Variants in POSTN observed in about 807,000 individuals in gnomAD.
POSTN encodes the protein osteoblast specific factor 2 (fasciclin I-like).
POSTN carries 71 observed loss-of-function variants against 104.5 expected under a neutral mutation model. The ratio of observed to expected loss-of-function variants is 0.68; its 90% CI spans 0.56 to 0.83. The LOEUF is 0.83. Among genes scored for constraint, POSTN ranks in the 40% least tolerant of loss-of-function variants. The pLI is 0.00. For synonymous variants in POSTN, 355 were observed against 340.7 expected (o/e 1.04, Z -0.46); for missense variants, 949 against 1,006.8 (o/e 0.94, Z 0.78).
intron 21 of POSTN, among the ~76,000 whole-genome samples, chr13:37,567,102 G>A (rs2138148981): frequency 6.8e-6 from 1 of 146,168 alleles, no homozygotes; most frequent in East Asian, 2.0e-4. Flanking sequence ...CGGGCGTAGT[G>A]GCGGGCGCCT....
chr13:37,567,541 C>G (rs1024265479), intron 21 of POSTN, among the ~76,000 whole-genome samples: 1 of 151,994 alleles, frequency 6.6e-6, no homozygotes, highest in African/African-American at 2.4e-5. Context: ...GTAATTCTAC[C>G]GCATATAGTG....
chr13:37,581,165 G>T (rs941664512), intron 10 of POSTN, among the ~76,000 whole-genome samples: 2 of 151,984 alleles, frequency 1.3e-5, no homozygotes, highest in African/African-American at 4.8e-5. Flanking sequence ...CTTTTTGAAC[G>T]AACGTGATAT....
Position 37,598,667 on chromosome 13 carries a change from G to A in POSTN, c.60C>T (p.Asn20=), listed in dbSNP as rs138966400. 5.1e-5 allele frequency: 82 copies of A among 1,613,372 alleles called. No homozygotes were observed. Among genetic ancestry groups the A allele is most frequent in the African/African-American group, 8.0e-5 (6 of 74,868 alleles). Residue 20 remains asparagine (N), a synonymous_variant, in exon 1 of 23, where the codon AAC becomes AAT. Coordinates refer to ENST00000379747, the MANE Select transcript of POSTN (RefSeq NM_006475.3). ...LLLLLIVNPI[N]ANNHYDKILA... is the part of the protein sequence containing the mutation. Reference sequence around the variant, plus strand: ...AGATCTTGTCATAATGATTGTTGGCGTTTATAGGGTTAACAATAAGCAGCA... The same window carrying A: ...AGATCTTGTCATAATGATTGTTGGCATTTATAGGGTTAACAATAAGCAGCA...
In POSTN at chr13:37,571,376, G is replaced by T. The variant is rs1181497419; in HGVS notation, c.2172C>A (p.Ile724=). 1.2e-6 allele frequency: 2 copies of T among 1,600,834 alleles called. No individual in the cohort carries two copies. The highest frequency in any genetic ancestry group is 4.5e-5 in the East Asian group (2 of 44,610). The change falls in exon 18 of 23, where the codon ATC becomes ATA. Residue 724 remains isoleucine (I), a synonymous_variant. Transcript: ENST00000379747. ...IKEGETITEV[I]HGEPIIKKYT... ...GTAACATAAGGAACGCACCTCCATG[G>T]ATCACTTCAGTTATTGTTTCACCTT...
Position 37,596,519 on chromosome 13 carries a change from C to G in POSTN, c.218+665G>C, listed in dbSNP as rs548073285. ...ATAAATAATGCTTTCAAATTTTAAG[C>G]TAATCAGTGAAACATATGTTAAAAC... On this transcript the variant is annotated intron_variant, in intron 2 of 22. Coordinates refer to ENST00000379747, the MANE Select transcript of POSTN (RefSeq NM_006475.3). Among the ~76,000 whole-genome samples, 3 of 152,268 alleles carry G rather than the reference C, an allele frequency of 2.0e-5. No homozygotes were observed. In the South Asian group the frequency reaches 6.2e-4, roughly 32 times the overall value.
intron 9 of POSTN, 103 bp downstream of exon 9, chr13:37,583,866 T>G: frequency 7.1e-7 from 1 of 1,400,752 alleles, no homozygotes; most frequent in Non-Finnish European, 9.6e-7. Flanking sequence ...CAGAAACTAA[T>G]CAACACCTCC....
chr13:37,575,469 T>C (rs914470692), intron 16 of POSTN, among the ~76,000 whole-genome samples: 1 of 147,016 alleles, frequency 6.8e-6, no homozygotes, highest in African/African-American at 2.6e-5. Flanking sequence ...ATAATAAAAG[T>C]AAATTAAAAT....
At chr13:37,596,166 C>T (rs1020308986) in intron 2 of POSTN, among the ~76,000 whole-genome samples, 1 of 152,044 alleles carries the variant, frequency 6.6e-6, no homozygotes, top group Admixed American at 6.6e-5. Flanking sequence ...TTATTCCACC[C>T]GAACTTAGGG....
Position 37,588,046 on chromosome 13 carries a change from C to T in POSTN, c.442-60G>A, listed in dbSNP as rs1391281257. On this transcript the variant is annotated intron_variant, in intron 4 of 22. Transcript: ENST00000379747. ...TTGTGGAACATTAGTAAAAGTCTTA[C>T]GATCACCCTATTTCTACTCTCTTGC... The T allele has an allele frequency of 2.9e-5, 39 of 1,332,900 alleles. No homozygotes were observed. In the South Asian group the frequency reaches 3.5e-4, roughly 12 times the overall value. The allele number at this position is 1,332,900 out of a possible 1,614,324, so 82.6% of individuals were successfully genotyped here. A position where few individuals can be genotyped will look rare whatever the true frequency, so the allele number is the denominator to read the frequency against.
At position 37,584,018 on chromosome 13, in the gene POSTN, C is replaced by A; in HGVS notation, c.1194G>T (p.Arg398Ser). Residue 398 changes from arginine to serine, a missense_variant, in exon 9 of 23, where the codon AGG (arginine) becomes AGT (serine). Transcript: ENST00000379747. ...CCAGCAAAGTGTATTCTCCATCTGGCCTCAGAGCAGATGCCAAGCCTAATT... is the reference window on the plus strand; with the variant it reads ...CCAGCAAAGTGTATTCTCCATCTGGACTCAGAGCAGATGCCAAGCCTAATT... The part of the protein sequence containing the change: ...VAQLGLASAL[R>S]PDGEYTLLAP... 1 of 1,613,936 alleles carries A rather than the reference C, an allele frequency of 6.2e-7. No individual in the cohort carries two copies. Among genetic ancestry groups the A allele is most frequent in the Non-Finnish European group, 8.5e-7 (1 of 1,179,940 alleles).
At position 37,564,199 on chromosome 13, in the gene POSTN, TATATATA is replaced by T. The variant is rs1566536688; in HGVS notation, c.2473+313_2473+319del. On this transcript the variant is annotated intron_variant, in intron 22 of 22. Transcript: ENST00000379747. ...AACATTACATATATATATATATATA[TATATATA>T]TATATATATATATATATATATATGT... Among the ~76,000 whole-genome samples the T allele has an allele frequency of 5.7e-3, 630 of 110,638 alleles. 20 individuals are homozygous for T. Among genetic ancestry groups the T allele is most frequent in the African/African-American group, 0.021 (600 of 28,566 alleles). 72.6% of individuals were successfully genotyped at this position (110,638 alleles called of 152,430 possible). A position where few individuals can be genotyped will look rare whatever the true frequency, so the allele number is the denominator to read the frequency against.
chr13:37,571,575 AG>A (rs1950264012), intron 17 of POSTN, 117 bp from the exon 18 acceptor site: 4 of 674,954 alleles, frequency 5.9e-6, no homozygotes, highest in Middle Eastern at 2.7e-4. Flanking sequence ...AAGTGGTTTC[AG>A]GCTCTATGAA....
intron 21 of POSTN, chr13:37,568,674 G>A (rs192737824): frequency 1.4e-5 from 2 of 147,970 alleles, no homozygotes; most frequent in Non-Finnish European, 3.0e-5. Flanking sequence ...GTTTGTGTAA[G>A]ATTTTGAATT....
intron 10 of POSTN, 87 bp from the exon 11 acceptor site, chr13:37,580,784 T>C: frequency 6.5e-7 from 1 of 1,550,028 alleles, no homozygotes; most frequent in Non-Finnish European, 8.8e-7. Context: ...AGTTTCCGGA[T>C]CGGCCCTTCT....
Position 37,571,495 on chromosome 13 carries a change from A to G in POSTN, c.2090-37T>C, listed in dbSNP as rs369667593. 1.1e-4 allele frequency: 165 copies of G among 1,449,988 alleles called. 2 individuals carry two copies. In the Admixed American group the frequency reaches 2.9e-3, roughly 25 times the overall value. The allele number at this position is 1,449,988 out of a possible 1,614,324, so 89.8% of individuals were successfully genotyped here. A position where few individuals can be genotyped will look rare whatever the true frequency, so the allele number is the denominator to read the frequency against. On this transcript the variant is annotated intron_variant, in intron 17 of 22. Coordinates refer to ENST00000379747, the MANE Select transcript of POSTN (RefSeq NM_006475.3). Reference sequence around the variant, plus strand: ...TTTTAGGAGACAAATTATCATGTTAAAACAGTCCTTTAAATTTACCGGAAT... The same window carrying G: ...TTTTAGGAGACAAATTATCATGTTAGAACAGTCCTTTAAATTTACCGGAAT...
At chr13:37,587,142 A>G (rs941103001) in intron 5 of POSTN, among the ~76,000 whole-genome samples, 1 of 152,214 alleles carries the variant, frequency 6.6e-6, no homozygotes, top group African/African-American at 2.4e-5. Context: ...AACCCAAGTC[A>G]AGTCATACTT....
intron 10 of POSTN, among the ~76,000 whole-genome samples, chr13:37,581,862 T>C (rs576623180): frequency 3.3e-5 from 5 of 152,350 alleles, no homozygotes; most frequent in African/African-American, 1.2e-4. Context: ...ACCTTGCATA[T>C]TTGATTCATT....
chr13:37,592,728 T>C (rs895104859), intron 2 of POSTN, among the ~76,000 whole-genome samples: 2 of 152,220 alleles, frequency 1.3e-5, no homozygotes, highest in Admixed American at 6.5e-5. Context: ...CATGTGAACC[T>C]TGAGCAAGTC....
intron 16 of POSTN, among the ~76,000 whole-genome samples, chr13:37,575,462 ATAAAAG>A (rs1950379221): frequency 6.7e-6 from 1 of 149,190 alleles, no homozygotes; most frequent in African/African-American, 2.5e-5. Flanking sequence ...TAGATCTATA[ATAAAAG>A]TAAATTAAAA....
Sources: allele counts gnomAD v4.1 joint callset (sites outside exome capture counted in the v4.1 genomes callset), GRCh38; gene constraint gnomAD v4.1.1; transcripts MANE v1.5; gene names NCBI Gene and HGNC (gene_info 2026-07-23, HGNC 2026-07-21).